The following CADM3 variants were observed in gnomAD, a reference collection of about 807,000 sequenced individuals.
CADM3 encodes the protein TSLC1-like 1.
A neutral mutation model predicts 44.9 loss-of-function variants in CADM3; 11 were observed. The ratio of observed to expected loss-of-function variants is 0.25; its 90% confidence interval spans 0.15 to 0.41. The LOEUF (loss-of-function observed/expected upper bound fraction) is 0.41, where lower values mean the gene tolerates loss of function less well. Ranked by LOEUF, CADM3 falls within the 10% of genes least tolerant of loss-of-function variation. The probability of loss-of-function intolerance (pLI) is 1.00; values close to 1 mark genes in which losing one functional copy is unlikely to be tolerated. For missense variants in CADM3, 426 were observed against 512.0 expected (o/e 0.83, Z 1.62); for synonymous variants, 207 against 205.2 (o/e 1.01, Z -0.08).
At chr1:159,199,898 T>A in intron 8 of CADM3, 22 bp downstream of exon 8, 1 of 1,611,722 alleles carries the variant, frequency 6.2e-7, no homozygotes, top group Non-Finnish European at 8.5e-7. Flanking sequence ...AAAGAGAGCA[T>A]CAGCAGAACT....
At chr1:159,175,848 C>T (rs566025673) in intron 1 of CADM3, among the ~76,000 whole-genome samples, 3 of 152,324 alleles carry the variant, frequency 2.0e-5, no homozygotes, top group African/African-American at 4.8e-5. Flanking sequence ...ATCGCTTTGG[C>T]GTTCTGGTTA....
intron 1 of CADM3, among the ~76,000 whole-genome samples, chr1:159,187,767 T>C (rs1571014616): frequency 6.6e-6 from 1 of 152,114 alleles, no homozygotes; most frequent in Non-Finnish European, 1.5e-5. Context: ...GTTGACACAG[T>C]GCACCCACGA....
Position 159,199,738 on chromosome 1 carries a change from C to A in CADM3, c.953-13C>A. 6.2e-7 allele frequency: 1 copy of A among 1,614,088 alleles called. No individual in the cohort carries two copies. Among genetic ancestry groups the A allele is most frequent in the Non-Finnish European group, 8.5e-7 (1 of 1,180,014 alleles). On this transcript the variant is annotated splice_polypyrimidine_tract_variant and intron_variant, in intron 7 of 8. Coordinates refer to ENST00000368125, the MANE Select transcript of CADM3 (RefSeq NM_001127173.3). Reference sequence around the variant, plus strand: ...TCCCCAGATCTGACTGTGTGTGTTGCCCTTTCTTCCAGACCCCAGTCCGGT... The same window carrying A: ...TCCCCAGATCTGACTGTGTGTGTTGACCTTTCTTCCAGACCCCAGTCCGGT...
At position 159,171,862 on chromosome 1, in the gene CADM3, G is replaced by C. The variant is rs959907933; in HGVS notation, c.88+9G>C. 2.4e-6 allele frequency: 3 copies of C among 1,238,354 alleles called. No homozygotes were observed. Among genetic ancestry groups the C allele is most frequent in the African/African-American group, 1.5e-5 (1 of 64,720 alleles). 76.7% of individuals were successfully genotyped at this position (1,238,354 alleles called of 1,614,324 possible). On this transcript the variant is annotated intron_variant, in intron 1 of 8. Transcript: ENST00000368125. ...CAACCTCTCCCAGGACGGTGAGTGA[G>C]GGAGGGGGCGGCGCCTGGGGAGGTG...
rs759857455 is a variant in CADM3 at position 159,194,156 on chromosome 1, A to C, written c.691+116A>C. ...CGCACAGTTAAGTGAATAGGTAAAA[A>C]ATGAAACAAAGACTGCCAGGACTAG... is the stretch of plus-strand genomic sequence containing the variant. On this transcript the variant is annotated intron_variant, in intron 5 of 8. Transcript: ENST00000368125. 112 of 1,140,572 alleles carry C rather than the reference A, an allele frequency of 9.8e-5. 1 individual carries two copies. The South Asian group carries it at 1.5e-3, about 15-fold the overall frequency. The allele number at this position is 1,140,572 out of a possible 1,614,324, so 70.7% of individuals were successfully genotyped here.
At chr1:159,183,166 A>C (rs564624452) in intron 1 of CADM3, among the ~76,000 whole-genome samples, 4 of 152,344 alleles carry the variant, frequency 2.6e-5, no homozygotes, top group African/African-American at 9.6e-5. Context: ...TTCCAAATCT[A>C]AATCTCTTAG....
chr1:159,196,931 C>T lies in CADM3; in HGVS notation c.823C>T (p.Pro275Ser), dbSNP rs1488646800. 2 of 1,614,096 alleles carry T rather than the reference C, an allele frequency of 1.2e-6. No homozygotes were observed. The highest frequency in any genetic ancestry group is 1.7e-6 in the Non-Finnish European group (2 of 1,180,012). ...YLWEKEGSVP[P>S]LKMTQESALI... ...ATGGGAGAAGGAGGGCAGTGTGCCA[C>T]CCCTGAAGATGACCCAGGAGAGTGC... Residue 275 changes from proline (P) to serine (S), a missense_variant, in exon 7 of 9, where the codon CCC becomes TCC. Coordinates refer to ENST00000368125, the MANE Select transcript of CADM3 (RefSeq NM_001127173.3).
At chr1:159,172,045 G>A (rs1212833871) in intron 1 of CADM3, among the ~76,000 whole-genome samples, 192 bp downstream of exon 1, 1 of 152,166 alleles carries the variant, frequency 6.6e-6, no homozygotes, top group Non-Finnish European at 1.5e-5. Context: ...GCCGGTGTGT[G>A]CACCCTTCTG....
chr1:159,198,680 A>C (rs1279942592), intron 7 of CADM3, among the ~76,000 whole-genome samples: 2 of 152,078 alleles, frequency 1.3e-5, no homozygotes, highest in African/African-American at 4.8e-5. Context: ...CAGCTCTCCC[A>C]TGGGTGGGAG....
chr1:159,185,797 G>A (rs1649395026), intron 1 of CADM3, among the ~76,000 whole-genome samples: 1 of 152,108 alleles, frequency 6.6e-6, no homozygotes, highest in Non-Finnish European at 1.5e-5. Flanking sequence ...CTTAGTATCT[G>A]ATTCATTTAA....
intron 1 of CADM3, among the ~76,000 whole-genome samples, 159 bp downstream of exon 1, chr1:159,172,012 G>A (rs1648829816): frequency 6.6e-6 from 1 of 152,168 alleles, no homozygotes; most frequent in Non-Finnish European, 1.5e-5. Context: ...CTGAGCATCC[G>A]TGTCTCTGTG....
At chr1:159,190,520 A>G (rs1235905789) in intron 1 of CADM3, among the ~76,000 whole-genome samples, 3 of 152,226 alleles carry the variant, frequency 2.0e-5, no homozygotes, top group African/African-American at 4.8e-5. Context: ...CCATGATCCC[A>G]AAGATCTCAC....
At chr1:159,173,610 G>A (rs1410371645) in intron 1 of CADM3, among the ~76,000 whole-genome samples, 1 of 152,168 alleles carries the variant, frequency 6.6e-6, no homozygotes, top group Non-Finnish European at 1.5e-5. Context: ...CTAAGTGCAC[G>A]ACAGAGAGGC....
At chr1:159,179,614 G>A (rs1034942961) in intron 1 of CADM3, among the ~76,000 whole-genome samples, 7 of 152,184 alleles carry the variant, frequency 4.6e-5, no homozygotes, top group Non-Finnish European at 5.9e-5. Context: ...TTGGAAATAT[G>A]CAGATTCTTG....
chr1:159,189,940 C>A, intron 1 of CADM3: 1 of 1,048,266 alleles, frequency 9.5e-7, no homozygotes. Context: ...TCCTCTCCCA[C>A]TCATGTTGCC....
At chr1:159,175,450 A>G (rs1410250298) in intron 1 of CADM3, among the ~76,000 whole-genome samples, 4 of 152,240 alleles carry the variant, frequency 2.6e-5, no homozygotes, top group Non-Finnish European at 5.9e-5. Flanking sequence ...TAGTTTTAAT[A>G]GTTTCCTCTA....
rs751476207 is a variant in CADM3, at chr1:159,192,578, C to G, written c.230C>G (p.Ala77Gly). 6.8e-6 allele frequency: 11 copies of G among 1,614,172 alleles called. No individual in the cohort carries two copies. The highest frequency in any genetic ancestry group is 3.3e-5 in the Admixed American group (2 of 60,022). The change falls in exon 3 of 9, where the codon GCC becomes GGC. Residue 77 changes from alanine (A) to glycine (G), a missense_variant and splice_region_variant. Ala to Gly is a moderately conservative substitution (Grantham distance 60). Around this residue, in one of 2 missense-constraint regions of CADM3, gnomAD observed 362 missense variants for 474.6 expected, o/e 0.76. Coordinates refer to ENST00000368125, the MANE Select transcript of CADM3 (RefSeq NM_001127173.3). ...CTTTCCATTCTCTTGATTTCCCCAG[C>G]CCTTCGAGATAATCGAATTCAGCTG... is the stretch of plus-strand genomic sequence containing the variant. ...QQTLYFGEKRALRDNRIQLVT... is the reference protein window; with the variant it reads ...QQTLYFGEKRGLRDNRIQLVT...
Position 159,201,043 on chromosome 1 carries a change from C to T in CADM3, c.*121C>T. The T allele has an allele frequency of 1.8e-6, 1 of 554,844 alleles. No homozygotes were observed. Among genetic ancestry groups the T allele is most frequent in the Non-Finnish European group, 3.1e-6 (1 of 323,180 alleles). 34.4% of individuals were successfully genotyped at this position (554,844 alleles called of 1,614,324 possible). A position where few individuals can be genotyped will look rare whatever the true frequency, so the allele number is the denominator to read the frequency against. On this transcript the variant is annotated 3_prime_UTR_variant, in exon 9 of 9. Coordinates refer to ENST00000368125, the MANE Select transcript of CADM3 (RefSeq NM_001127173.3). ...CCCTCCCGCTTGCTCCCCAGCCCAC[C>T]CACCCCCCTGTACAGAATGTCTGCT...
At position 159,201,006 on chromosome 1, in the gene CADM3, C is replaced by A; in HGVS notation, c.*84C>A. Reference sequence around the variant, plus strand: ...ACCAACCCGGACTTGTACAGAGCAACCGCAGGGCCGCCCCTCCCGCTTGCT... The same window carrying A: ...ACCAACCCGGACTTGTACAGAGCAAACGCAGGGCCGCCCCTCCCGCTTGCT... On this transcript the variant is annotated 3_prime_UTR_variant, in exon 9 of 9. Transcript: ENST00000368125. 1.1e-6 allele frequency: 1 copy of A among 903,588 alleles called. No individual in the cohort carries two copies. The highest frequency in any genetic ancestry group is 1.6e-6 in the Non-Finnish European group (1 of 614,852). 56.0% of individuals were successfully genotyped at this position (903,588 alleles called of 1,614,324 possible).
Sources: allele counts gnomAD v4.1 joint callset (sites outside exome capture counted in the v4.1 genomes callset), GRCh38; gene constraint gnomAD v4.1.1; regional missense constraint gnomAD v4.1.1; transcripts MANE v1.5; gene names NCBI Gene and HGNC (gene_info 2026-07-23, HGNC 2026-07-21).